The following CREBBP variants were observed in gnomAD, a reference collection of about 807,000 sequenced individuals.
CREBBP encodes CREB binding lysine acetyltransferase.
In CREBBP, 19 loss-of-function variants were observed where a neutral mutation model predicts 265.0. The ratio of observed to expected loss-of-function variants is 0.07; its 90% confidence interval spans 0.05 to 0.11. The LOEUF is 0.11. CREBBP is among the 10% of genes least tolerant of loss of function. The pLI, the probability that CREBBP is intolerant of heterozygous loss-of-function variation, is 1.00. For synonymous variants in CREBBP, 1,457 were observed against 1,223.7 expected (o/e 1.19, Z -3.98); for missense variants, 2,525 against 3,219.0 (o/e 0.78, Z 5.22).
chr16:3,739,813 A>G, intron 24 of CREBBP, 89 bp from the exon 25 acceptor site: 1 of 1,576,348 alleles, frequency 6.3e-7, no homozygotes, highest in Non-Finnish European at 8.7e-7. Flanking sequence ...AACTCTGGCC[A>G]CTGCAGATGA....
At chr16:3,732,018 C>G (rs2151320243) in intron 28 of CREBBP, 81 bp from the exon 29 acceptor site, 1 of 1,610,602 alleles carries the variant, frequency 6.2e-7, no homozygotes, top group Non-Finnish European at 8.5e-7. Context: ...AGGCCGTGGG[C>G]ATCAGGAAGC....
intron 3 of CREBBP, among the ~76,000 whole-genome samples, chr16:3,796,602 G>A (rs1444059511): frequency 1.3e-5 from 2 of 151,806 alleles, no homozygotes; most frequent in South Asian, 2.1e-4. Context: ...GGCCAAGCTG[G>A]TCTTGAACTC....
intron 13 of CREBBP, among the ~76,000 whole-genome samples, chr16:3,771,284 G>T (rs1361262205): frequency 6.6e-6 from 1 of 152,048 alleles, no homozygotes; most frequent in Non-Finnish European, 1.5e-5. Flanking sequence ...GTCCAGGCTG[G>T]TCTCAAACTC....
chr16:3,859,999 T>A (rs1031374206), intron 1 of CREBBP, among the ~76,000 whole-genome samples: 2 of 152,112 alleles, frequency 1.3e-5, no homozygotes, highest in Non-Finnish European at 2.9e-5. Context: ...GTAAAACAAC[T>A]TGGGGCTTGC....
chr16:3,774,540 T>A, intron 12 of CREBBP, 29 bp downstream of exon 12: 1 of 1,613,738 alleles, frequency 6.2e-7, no homozygotes, highest in Non-Finnish European at 8.5e-7. Flanking sequence ...GGGAGGGCTA[T>A]CTGCAGCACA....
chr16:3,864,235 G>A (rs1179904571), intron 1 of CREBBP, among the ~76,000 whole-genome samples: 1 of 152,194 alleles, frequency 6.6e-6, no homozygotes, highest in Non-Finnish European at 1.5e-5. Flanking sequence ...AAGAAAGGGG[G>A]AAAGAGCATA....
At position 3,727,840 on chromosome 16, in the gene CREBBP, G is replaced by C. The variant is rs1379999620; in HGVS notation, c.7207C>G (p.Pro2403Ala). The stretch of plus-strand genomic sequence containing the variant: ...TGGGGGAGCATTGCACTCTGTTCGG[G>C]GTTCCCCAAGTGTCCCTGATCTATG... ...SSIDQGHLGN[P>A]EQSAMLPQLN... is the part of the protein sequence containing the mutation. Residue 2403 changes from proline (P) to alanine (A), a missense_variant, in exon 31 of 31, where the codon CCC becomes GCC. Physicochemically the swap from Pro to Ala is conservative, Grantham distance 27. This residue lies in a region of CREBBP where 473 missense variants were observed against 459.3 expected (regional missense o/e 1.03). Coordinates refer to ENST00000262367, the MANE Select transcript of CREBBP (RefSeq NM_004380.3). The C allele has an allele frequency of 5.6e-6, 9 of 1,614,026 alleles. No homozygotes were observed. The African/African-American group carries it at 6.7e-5, about 12-fold the overall frequency.
intron 3 of CREBBP, among the ~76,000 whole-genome samples, chr16:3,809,877 G>C (rs2053902037): frequency 1.3e-5 from 2 of 152,148 alleles, no homozygotes; most frequent in Non-Finnish European, 2.9e-5. Flanking sequence ...AACAAGCACA[G>C]TGGGGAGAGA....
At chr16:3,777,846 TCCCAACACAG>T (rs1381262158) in intron 10 of CREBBP, 155 bp downstream of exon 10, 13 of 1,070,400 alleles carry the variant, frequency 1.2e-5, no homozygotes, top group Non-Finnish European at 1.3e-5. Flanking sequence ...AAACTCAGTG[TCCCAACACAG>T]CCTGAGGCAG....
chr16:3,816,312 A>G (rs1596995272), intron 2 of CREBBP, among the ~76,000 whole-genome samples: 1 of 152,220 alleles, frequency 6.6e-6, no homozygotes. Context: ...GAGAGTAAAA[A>G]TATGTAATGC....
At chr16:3,761,595 C>G in intron 16 of CREBBP, 2 of 518,216 alleles carry the variant, frequency 3.9e-6, no homozygotes, top group Non-Finnish European at 7.7e-6. Context: ...CCGCAGACAC[C>G]GCCTCCTCTC....
intron 1 of CREBBP, among the ~76,000 whole-genome samples, chr16:3,858,600 C>T (rs73503929): frequency 2.1e-3 from 316 of 152,336 alleles, no homozygotes; most frequent in African/African-American, 7.3e-3. Flanking sequence ...AATAAACCCA[C>T]GTGCTGAATG....
At chr16:3,767,303 C>T in intron 16 of CREBBP, 1 of 207,300 alleles carries the variant, frequency 4.8e-6, no homozygotes, top group South Asian at 8.0e-5. Flanking sequence ...CCAAGTCACC[C>T]TGTGCTGTCA....
At chr16:3,858,185 T>C (rs185525395) in intron 1 of CREBBP, among the ~76,000 whole-genome samples, 14 of 152,330 alleles carry the variant, frequency 9.2e-5, no homozygotes, top group Admixed American at 9.1e-4. Context: ...AAGCAAGGAA[T>C]GAACTACTAG....
intron 13 of CREBBP, chr16:3,773,489 C>A: frequency 2.0e-6 from 1 of 493,324 alleles, no homozygotes; most frequent in Non-Finnish European, 3.6e-6. Flanking sequence ...ACTCAAAGAT[C>A]AAAACACAAA....
intron 1 of CREBBP, among the ~76,000 whole-genome samples, chr16:3,879,234 GCACACACACACA>G (rs77377127): frequency 2.1e-4 from 31 of 150,606 alleles, no homozygotes; most frequent in Admixed American, 5.9e-4. Flanking sequence ...ACACACGCGC[GCACACACACACA>G]CACACACACA....
At position 3,731,387 on chromosome 16, in the gene CREBBP, G is replaced by C. The variant is rs2051911274; in HGVS notation, c.4977C>G (p.Asp1659Glu). The C allele has an allele frequency of 1.2e-6, 2 of 1,612,078 alleles. No individual in the cohort carries two copies. Among genetic ancestry groups the C allele is most frequent in the Non-Finnish European group, 1.7e-6 (2 of 1,179,296 alleles). The change falls in exon 30 of 31, where the codon GAC becomes GAG. Residue 1659 changes from aspartate to glutamate, a missense_variant. Transcript: ENST00000262367. The surrounding 1 kb of genome is among the most constrained non-coding windows in gnomAD (Gnocchi z 7.7). ...GGAAGGCGTCGCGCCCATCCATGAGGTCACAGCTGAGCAGGGGGTCGGGGT... is the reference window on the plus strand; with the variant it reads ...GGAAGGCGTCGCGCCCATCCATGAGCTCACAGCTGAGCAGGGGGTCGGGGT... Reference protein sequence around the residue: ...IVDPDPLLSCDLMDGRDAFLT... With the variant: ...IVDPDPLLSCELMDGRDAFLT...
At chr16:3,787,235 A>C (rs1038071602) in intron 5 of CREBBP, among the ~76,000 whole-genome samples, 2 of 152,214 alleles carry the variant, frequency 1.3e-5, no homozygotes, top group African/African-American at 4.8e-5. Context: ...CACTGAGGGG[A>C]ACCCAGGCAC....
At chr16:3,767,051 T>A (rs1333381116) in intron 16 of CREBBP, among the ~76,000 whole-genome samples, 1 of 152,150 alleles carries the variant, frequency 6.6e-6, no homozygotes, top group Non-Finnish European at 1.5e-5. Context: ...GAGTCCTGTC[T>A]CCCATTTCTA....
Sources: gnomAD v4.1 joint callset for allele counts (sites outside exome capture counted in the v4.1 genomes callset) on GRCh38, gnomAD v4.1.1 for gene constraint, gnomAD v4.1.1 regional missense constraint, Gnocchi (gnomAD v3.1) non-coding constraint, MANE v1.5 for transcripts, NCBI Gene and HGNC (gene_info 2026-07-23, HGNC 2026-07-21) for gene names.